FIGNL1: variants seen among roughly 807,000 people sequenced by gnomAD.
The protein encoded by FIGNL1 is fidgetin-like protein 1.
In FIGNL1, 11 loss-of-function variants were observed where a neutral mutation model predicts 28.9. The ratio of observed to expected loss-of-function variants is 0.38; its 90% CI spans 0.24 to 0.63. FIGNL1 has a LOEUF of 0.63. FIGNL1 is among the 20% of genes least tolerant of loss of function. The pLI, the probability that FIGNL1 is intolerant of heterozygous loss-of-function variation, is 0.57. For missense variants in FIGNL1, 789 were observed against 810.4 expected (o/e 0.97, Z 0.32); for synonymous variants, 295 against 276.5 (o/e 1.07, Z -0.66).
chr7:50,446,573 T>G lies in FIGNL1; in HGVS notation c.715A>C (p.Asn239His), dbSNP rs1274562949. The G allele has an allele frequency of 6.2e-7, 1 of 1,614,130 alleles. No individual in the cohort carries two copies. Among genetic ancestry groups the G allele is most frequent in the Non-Finnish European group, 8.5e-7 (1 of 1,180,028 alleles). The change falls in exon 4 of 4, where the codon AAT becomes CAT. Residue 239 changes from asparagine (N) to histidine (H), a missense_variant. By Grantham distance (68) the Asn-to-His change is moderately conservative. Coordinates refer to ENST00000433017, the MANE Select transcript of FIGNL1 (RefSeq NM_001287492.4). ...HSSAKENIGL[N>H]VFLSNQSCFP... The stretch of plus-strand genomic sequence containing the variant: ...CAAGACTGGTTAGATAAGAACACAT[T>G]AAGTCCTATGTTTTCTTTTGCAGAG...
rs142036979 is a variant in FIGNL1 at position 50,447,169 on chromosome 7, C to T, written c.119G>A (p.Arg40His). 20 of 1,614,074 alleles carry T rather than the reference C, an allele frequency of 1.2e-5. No homozygotes were observed. Among genetic ancestry groups the T allele is most frequent in the Admixed American group, 8.3e-5 (5 of 60,008 alleles). ...AGAGTTTGCCCATGCATACTGAATGCGTAATATCTGTGCACGGTATGCATC... is the reference window on the plus strand; with the variant it reads ...AGAGTTTGCCCATGCATACTGAATGTGTAATATCTGTGCACGGTATGCATC... The part of the protein sequence containing the change: ...KADAYRAQIL[R>H]IQYAWANSEI... The change falls in exon 4 of 4, where the codon CGC (arginine) becomes CAC (histidine). Residue 40 changes from arginine to histidine, a missense_variant. By Grantham distance (29) the Arg-to-His change is conservative (BLOSUM62 0). Coordinates refer to ENST00000433017, the MANE Select transcript of FIGNL1 (RefSeq NM_001287492.4).
In FIGNL1 at chr7:50,445,371, T is replaced by C. The variant is rs762730205; in HGVS notation, c.1917A>G (p.Ile639Met). 4 of 1,614,170 alleles carry C rather than the reference T, an allele frequency of 2.5e-6. No homozygotes were observed. The highest frequency in any genetic ancestry group is 1.1e-5 in the South Asian group (1 of 91,076). Residue 639 changes from isoleucine to methionine, a missense_variant, in exon 4 of 4, where the codon ATA becomes ATG. Transcript: ENST00000433017. ...AAGCATTTTCAAAATCAATGTAAGC[T>C]ATGGGTCGAACTTGATCCGGTGTTA... is the stretch of plus-strand genomic sequence containing the variant. ...ATITPDQVRP[I>M]AYIDFENAFR...
Position 50,445,487 on chromosome 7 carries a change from C to G in FIGNL1, c.1801G>C (p.Asp601His). ...GTCATGTCTGCTCCTGAAAACGCATCAGACTGCTGTACAATCTGTTCAATT... is the reference window on the plus strand; with the variant it reads ...GTCATGTCTGCTCCTGAAAACGCATGAGACTGCTGTACAATCTGTTCAATT... ...EEIEQIVQQS[D>H]AFSGADMTQL... Residue 601 changes from aspartate (D) to histidine (H), a missense_variant, in exon 4 of 4, where the codon GAT becomes CAT. Coordinates refer to ENST00000433017, the MANE Select transcript of FIGNL1 (RefSeq NM_001287492.4). The G allele has an allele frequency of 6.2e-7, 1 of 1,614,164 alleles. No homozygotes were observed. Among genetic ancestry groups the G allele is most frequent in the South Asian group, 1.1e-5 (1 of 91,066 alleles).
Position 50,445,098 on chromosome 7 carries a change from T to TA in FIGNL1, c.*164dup, listed in dbSNP as rs1562953646. On this transcript the variant is annotated 3_prime_UTR_variant, in exon 4 of 4. Coordinates refer to ENST00000433017, the MANE Select transcript of FIGNL1 (RefSeq NM_001287492.4). ...CAGGTAATCACTGGAAAGCAAAACTTACATTAACATACACTATGTCAATCA... is the reference window on the plus strand; with the variant it reads ...CAGGTAATCACTGGAAAGCAAAACTTAACATTAACATACACTATGTCAATCA... The TA allele has an allele frequency of 2.3e-6, 1 of 430,994 alleles. No homozygotes were observed. Among genetic ancestry groups the TA allele is most frequent in the African/African-American group, 2.0e-5 (1 of 48,944 alleles). The allele number at this position is 430,994 out of a possible 1,614,324, so 26.7% of individuals were successfully genotyped here.
rs552069219 is a variant in FIGNL1, at chr7:50,448,474, C to A, written c.-119-185G>T. The A allele has an allele frequency of 2.0e-5, 3 of 152,272 alleles. No homozygotes were observed. In the South Asian group the frequency reaches 6.2e-4, roughly 32 times the overall value. The allele number at this position is 152,272 out of a possible 1,614,324, so 9.4% of individuals were successfully genotyped here. On this transcript the variant is annotated intron_variant, in intron 2 of 3. Transcript: ENST00000433017. ...TAAATGAAATAAGAGAACAAGCTAG[C>A]CTACTAGGAAAATGCTTTTACTTTA...
Position 50,445,547 on chromosome 7 carries a change from T to C in FIGNL1, c.1741A>G (p.Met581Val). ...CTGAGGCAACACTGCTCTTTGGACA[T>C]TAGATTAATTACTATCTGTTTCCTG... ...SARKQIVINL[M>V]SKEQCCLSEE... Residue 581 changes from methionine (M) to valine (V), a missense_variant, in exon 4 of 4, where the codon ATG becomes GTG. Met to Val is a conservative substitution (Grantham distance 21, BLOSUM62 1). Transcript: ENST00000433017. 6.2e-7 allele frequency: 1 copy of C among 1,614,204 alleles called. No homozygotes were observed. Among genetic ancestry groups the C allele is most frequent in the Non-Finnish European group, 8.5e-7 (1 of 1,180,020 alleles).
rs1435651954 is a variant in FIGNL1 at position 50,446,860 on chromosome 7, G to A, written c.428C>T (p.Ala143Val). The A allele has an allele frequency of 2.5e-6, 4 of 1,614,108 alleles. No homozygotes were observed. Among genetic ancestry groups the A allele is most frequent in the Non-Finnish European group, 3.4e-6 (4 of 1,180,034 alleles). Residue 143 changes from alanine (A) to valine (V), a missense_variant, in exon 4 of 4, where the codon GCC becomes GTC. Coordinates refer to ENST00000433017, the MANE Select transcript of FIGNL1 (RefSeq NM_001287492.4). ...ALASVVIHKE[A>V]TVFDLPKFSV... ...AAATTTAGGAAGATCAAAGACAGTG[G>A]CCTCCTTATGGATTACCACTGATGC...
At chr7:50,449,062 C>T (rs994591479) in intron 2 of FIGNL1, 56 bp downstream of exon 2, 7 of 152,170 alleles carry the variant, frequency 4.6e-5, no homozygotes, top group African/African-American at 7.2e-5. Flanking sequence ...TCATTCTCTT[C>T]CTCTCCATGG....
chr7:50,447,246 C>A lies in FIGNL1; in HGVS notation c.42G>T (p.Trp14Cys), dbSNP rs1821156533. 1.9e-6 allele frequency: 3 copies of A among 1,610,044 alleles called. No individual in the cohort carries two copies. The highest frequency in any genetic ancestry group is 2.5e-6 in the Non-Finnish European group (3 of 1,176,676). The stretch of plus-strand genomic sequence containing the variant: ...ATGTAATTGCGAAGTAATTCTTCTG[C>A]CATTCACTCAGGTGCACAGATCTAG... Reference protein sequence around the residue: ...SSSRSVHLSEWQKNYFAITSG... With the variant: ...SSSRSVHLSECQKNYFAITSG... The change falls in exon 4 of 4, where the codon TGG becomes TGT. Residue 14 changes from tryptophan (W) to cysteine (C), a missense_variant. Physicochemically the swap from Trp to Cys is radical, Grantham distance 215 (BLOSUM62 -2). Transcript: ENST00000433017.
At chr7:50,449,927 C>T (rs545541115) in intron 1 of FIGNL1, 85 of 152,424 alleles carry the variant, frequency 5.6e-4, no homozygotes, top group African/African-American at 2.0e-3. Flanking sequence ...ACTGACTGAC[C>T]CCCGCTGTGG....
Position 50,447,181 on chromosome 7 carries a change from G to A in FIGNL1, c.107C>T (p.Ala36Val). Residue 36 changes from alanine (A) to valine (V), a missense_variant, in exon 4 of 4, where the codon GCA becomes GTA. Ala to Val is a moderately conservative substitution (Grantham distance 64). Coordinates refer to ENST00000433017, the MANE Select transcript of FIGNL1 (RefSeq NM_001287492.4). ...TGCATACTGAATGCGTAATATCTGT[G>A]CACGGTATGCATCTGCCTTCGGTCC... ...CTGPKADAYR[A>V]QILRIQYAWA... 6.2e-7 allele frequency: 1 copy of A among 1,614,184 alleles called. No homozygotes were observed. Among genetic ancestry groups the A allele is most frequent in the South Asian group, 1.1e-5 (1 of 91,084 alleles).
In FIGNL1 at chr7:50,445,675, C is replaced by T. The variant is rs768379532; in HGVS notation, c.1613G>A (p.Arg538His). Residue 538 changes from arginine (R) to histidine (H), a missense_variant, in exon 4 of 4, where the codon CGT becomes CAT. By Grantham distance (29) the Arg-to-His change is conservative. Coordinates refer to ENST00000433017, the MANE Select transcript of FIGNL1 (RefSeq NM_001287492.4). ...LDGATTSSEDRILVVGATNRP... is the reference protein window; with the variant it reads ...LDGATTSSEDHILVVGATNRP... ...ATTTGTTGCTCCCACCACTAGGATA[C>T]GATCTTCAGAAGATGTTGTTGCTCC... 2.9e-5 allele frequency: 46 copies of T among 1,613,878 alleles called. No homozygotes were observed. Among genetic ancestry groups the T allele is most frequent in the Admixed American group, 6.7e-5 (4 of 60,012 alleles).
chr7:50,445,990 G>A lies in FIGNL1; in HGVS notation c.1298C>T (p.Pro433Leu). ...RPDIFTGLRG[P>L]PKGILLFGPP... ...ACCAAAGAGCAAAATTCCTTTAGGG[G>A]GTCCCCTTAAACCAGTAAAGATGTC... Residue 433 changes from proline to leucine, a missense_variant, in exon 4 of 4, where the codon CCC (proline) becomes CTC (leucine). Coordinates refer to ENST00000433017, the MANE Select transcript of FIGNL1 (RefSeq NM_001287492.4). The A allele has an allele frequency of 6.2e-7, 1 of 1,614,050 alleles. No homozygotes were observed. The highest frequency in any genetic ancestry group is 8.5e-7 in the Non-Finnish European group (1 of 1,179,998).
At position 50,446,431 on chromosome 7, in the gene FIGNL1, G is replaced by C; in HGVS notation, c.857C>G (p.Pro286Arg). The change falls in exon 4 of 4, where the codon CCA becomes CGA. Residue 286 changes from proline to arginine, a missense_variant. By Grantham distance (103) the Pro-to-Arg change is moderately radical. Coordinates refer to ENST00000433017, the MANE Select transcript of FIGNL1 (RefSeq NM_001287492.4). ...KACSKTEDNG[P>R]KEDSSLPTFK... is the part of the protein sequence containing the mutation. ...TGTAGGCAGGCTGCTATCCTCCTTT[G>C]GGCCATTATCTTCTGTTTTACTACA... The C allele has an allele frequency of 6.2e-7, 1 of 1,614,066 alleles. No individual in the cohort carries two copies. The highest frequency in any genetic ancestry group is 8.5e-7 in the Non-Finnish European group (1 of 1,180,022).
Position 50,445,745 on chromosome 7 carries a change from C to G in FIGNL1, c.1543G>C (p.Glu515Gln). The change falls in exon 4 of 4, where the codon GAA (glutamate) becomes CAA (glutamine). Residue 515 changes from glutamate (E) to glutamine (Q), a missense_variant. Glu to Gln is a conservative substitution (Grantham distance 29). Coordinates refer to ENST00000433017, the MANE Select transcript of FIGNL1 (RefSeq NM_001287492.4). Reference protein sequence around the residue: ...LLSQRGDGEHESSRRIKTEFL... With the variant: ...LLSQRGDGEHQSSRRIKTEFL... ...TCTGTTTTTATCCTTCTAGAAGATT[C>G]ATGCTCACCATCTCCCCGTTGAGAT... is the stretch of plus-strand genomic sequence containing the variant. 2 of 1,614,208 alleles carry G rather than the reference C, an allele frequency of 1.2e-6. No homozygotes were observed. Among genetic ancestry groups the G allele is most frequent in the Non-Finnish European group, 1.7e-6 (2 of 1,180,040 alleles).
rs940080566 is a variant in FIGNL1 at position 50,448,195 on chromosome 7, C to T, written c.-25G>A. The T allele has an allele frequency of 6.6e-6, 1 of 152,206 alleles. No homozygotes were observed. The highest frequency in any genetic ancestry group is 2.4e-5 in the African/African-American group (1 of 41,444). 9.4% of individuals were successfully genotyped at this position (152,206 alleles called of 1,614,324 possible). ...AAAGAACTTACTTGAGATCACACAG[C>T]CAGTTATGAATGGTATCAGAAATCG... On this transcript the variant is annotated 5_prime_UTR_variant, in exon 3 of 4. Transcript: ENST00000433017.
intron 2 of FIGNL1, 74 bp downstream of exon 2, chr7:50,449,040 CAATT>C (rs1189081229): frequency 1.1e-4 from 16 of 152,188 alleles, no homozygotes; most frequent in African/African-American, 3.4e-4. Flanking sequence ...CAAACTTTCA[CAATT>C]AATATTATCA....
Position 50,445,507 on chromosome 7 carries a change from T to C in FIGNL1, c.1781A>G (p.Glu594Gly), listed in dbSNP as rs753755287. ...CGCATCAGACTGCTGTACAATCTGT[T>C]CAATTTCTTCTTCACTGAGGCAACA... ...EQCCLSEEEI[E>G]QIVQQSDAFS... The change falls in exon 4 of 4, where the codon GAA becomes GGA. Residue 594 changes from glutamate (E) to glycine (G), a missense_variant. By Grantham distance (98) the Glu-to-Gly change is moderately conservative (BLOSUM62 -2). Coordinates refer to ENST00000433017, the MANE Select transcript of FIGNL1 (RefSeq NM_001287492.4). 2.5e-6 allele frequency: 4 copies of C among 1,614,226 alleles called. No individual in the cohort carries two copies. The highest frequency in any genetic ancestry group is 1.6e-4 in the Middle Eastern group (1 of 6,062).
chr7:50,450,086 T>C (rs1746874887), intron 1 of FIGNL1: 1 of 152,326 alleles, frequency 6.6e-6, no homozygotes, highest in Admixed American at 6.5e-5. Flanking sequence ...ATGAGTCTGG[T>C]TCTGGGCTAG....
Sources: allele counts gnomAD v4.1 joint callset, GRCh38; gene constraint gnomAD v4.1.1; transcripts MANE v1.5; gene names NCBI Gene and HGNC (gene_info 2026-07-23, HGNC 2026-07-21).